STPG2: variants seen among roughly 807,000 people sequenced by gnomAD.
STPG2 encodes sperm-tail PG-rich repeat-containing protein 2.
Under a neutral mutation model 54.2 loss-of-function variants are expected in STPG2, and 56 were observed. The ratio of observed to expected loss-of-function variants is 1.03; its 90% CI spans 0.83 to 1.29. The LOEUF (loss-of-function observed/expected upper bound fraction) is 1.29, where lower values mean the gene tolerates loss of function less well. Among genes scored for constraint, STPG2 ranks in the 50% most tolerant of loss-of-function variants. The pLI is 0.00. For synonymous variants in STPG2, 200 were observed against 181.8 expected (o/e 1.10, Z -0.81); for missense variants, 596 against 544.9 (o/e 1.09, Z -0.93).
At chr4:97,585,123 A>AAAAAAAAAAT (rs1732964111) in intron 10 of STPG2, among the ~76,000 whole-genome samples, 1 of 119,520 alleles carries the variant, frequency 8.4e-6, no homozygotes, top group Non-Finnish European at 1.5e-5. Context: ...AAAAAAAAAA[A>AAAAAAAAAAT]ACAAAACTAC....
intron 5 of STPG2, among the ~76,000 whole-genome samples, chr4:98,001,997 C>CA (rs956851613): frequency 3.3e-5 from 5 of 151,866 alleles, no homozygotes; most frequent in African/African-American, 1.2e-4. Flanking sequence ...TAAGGGCTGA[C>CA]AAAAAAATAT....
intron 5 of STPG2, among the ~76,000 whole-genome samples, chr4:97,987,438 C>T (rs758056805): frequency 2.6e-5 from 4 of 152,030 alleles, no homozygotes; most frequent in Non-Finnish European, 5.9e-5. Flanking sequence ...AGTTTAACTA[C>T]ATATGTTAAT....
intron 10 of STPG2, among the ~76,000 whole-genome samples, chr4:97,581,032 T>C (rs182619370): frequency 5.3e-5 from 8 of 152,212 alleles, no homozygotes; most frequent in Admixed American, 5.2e-4. Flanking sequence ...TATTTGGATA[T>C]GATTGTAATG....
intron 7 of STPG2, among the ~76,000 whole-genome samples, chr4:97,945,717 TTG>T (rs1491427821): frequency 6.7e-6 from 1 of 149,582 alleles, no homozygotes; most frequent in Admixed American, 6.8e-5. Flanking sequence ...CCAACATCTA[TTG>T]TTTTTTTGGG....
intron 5 of STPG2, among the ~76,000 whole-genome samples, chr4:98,076,196 A>G (rs555045906): frequency 6.6e-6 from 1 of 152,070 alleles, no homozygotes; most frequent in South Asian, 2.1e-4. Flanking sequence ...ATGAGCCAAG[A>G]TCATGCCACT....
chr4:97,529,954 G>A (rs1731377880), intron 4 of STPG2, among the ~76,000 whole-genome samples: 1 of 151,754 alleles, frequency 6.6e-6, no homozygotes, highest in Non-Finnish European at 1.5e-5. Context: ...TTTTTTATTT[G>A]TTTACTTCTA....
chr4:98,003,452 T>C (rs1023794810), intron 5 of STPG2, among the ~76,000 whole-genome samples: 9 of 151,994 alleles, frequency 5.9e-5, no homozygotes, highest in Admixed American at 3.9e-4. Flanking sequence ...AAGTCCAAAT[T>C]CCAGACTCAA....
At chr4:97,723,329 G>A (rs1014809189) in intron 9 of STPG2, among the ~76,000 whole-genome samples, 2 of 151,944 alleles carry the variant, frequency 1.3e-5, no homozygotes, top group East Asian at 1.9e-4. Context: ...GACTCCAAAA[G>A]GGGGGAGGGA....
intron 8 of STPG2, among the ~76,000 whole-genome samples, chr4:97,886,189 G>A (rs1560571463): frequency 6.6e-6 from 1 of 152,078 alleles, no homozygotes; most frequent in Non-Finnish European, 1.5e-5. Context: ...TCCTAGAGTG[G>A]CAAAATCGAA....
intron 8 of STPG2, among the ~76,000 whole-genome samples, chr4:97,889,541 T>C (rs1189081556): frequency 6.6e-6 from 1 of 152,218 alleles, no homozygotes; most frequent in Non-Finnish European, 1.5e-5. Context: ...AAAGACATTA[T>C]GTTACACAAA....
chr4:98,127,206 A>T (rs377505141), intron 3 of STPG2, among the ~76,000 whole-genome samples: 2 of 152,076 alleles, frequency 1.3e-5, no homozygotes, highest in African/African-American at 2.4e-5. Flanking sequence ...ATATTTTTTT[A>T]AAATAAAGCT....
chr4:98,116,726 T>C (rs574118081), intron 3 of STPG2, among the ~76,000 whole-genome samples: 2 of 151,948 alleles, frequency 1.3e-5, no homozygotes, highest in East Asian at 1.9e-4. Flanking sequence ...AGGTATGTCA[T>C]AGAGAGAGAG....
intron 10 of STPG2, among the ~76,000 whole-genome samples, chr4:97,634,207 G>A (rs1021506424): frequency 1.3e-5 from 2 of 152,114 alleles, no homozygotes; most frequent in African/African-American, 4.8e-5. Context: ...CACCCTAACT[G>A]GGAGGCACCC....
In STPG2 at chr4:98,069,296, C is replaced by T. The variant is rs966149882; in HGVS notation, c.612+36657G>A. 4.0e-5 allele frequency among the ~76,000 whole-genome samples: 6 copies of T among 151,768 alleles called. 1 individual carries two copies. Among genetic ancestry groups the T allele is most frequent in the South Asian group, 4.2e-4 (2 of 4,818 alleles). On this transcript the variant is annotated intron_variant, in intron 5 of 10. Coordinates refer to ENST00000295268, the MANE Select transcript of STPG2 (RefSeq NM_174952.3). Reference sequence around the variant, plus strand: ...ATAATTGTTTTTAAGTTTTTTTAGACATCGAGTAGTAATTATCTTAGAAAT... The same window carrying T: ...ATAATTGTTTTTAAGTTTTTTTAGATATCGAGTAGTAATTATCTTAGAAAT...
chr4:97,498,152 T>C (rs971164897), intron 4 of STPG2, among the ~76,000 whole-genome samples: 5 of 152,098 alleles, frequency 3.3e-5, no homozygotes, highest in Non-Finnish European at 5.9e-5. Context: ...AAAAACATAG[T>C]CTAGTCCCCA....
chr4:97,490,129 A>T (rs1338851653), intron 4 of STPG2: 1 of 151,484 alleles, frequency 6.6e-6, no homozygotes, highest in African/African-American at 2.4e-5. Context: ...TAACCTAGTA[A>T]TTTTTTAAAA....
chr4:97,675,898 CAT>C (rs541003489), intron 10 of STPG2, among the ~76,000 whole-genome samples: 3 of 144,152 alleles, frequency 2.1e-5, no homozygotes, highest in African/African-American at 5.1e-5. Context: ...GGTATATATA[CAT>C]ATATATATAG....
At chr4:97,588,286 A>G (rs1733050402) in intron 10 of STPG2, among the ~76,000 whole-genome samples, 1 of 152,126 alleles carries the variant, frequency 6.6e-6, no homozygotes, top group African/African-American at 2.4e-5. Flanking sequence ...TCTGTACAGG[A>G]AAAAAATACC....
At chr4:97,458,250 A>C (rs1302091478) in intron 4 of STPG2, among the ~76,000 whole-genome samples, 1 of 152,212 alleles carries the variant, frequency 6.6e-6, no homozygotes, top group Non-Finnish European at 1.5e-5. Flanking sequence ...GAGTAGCCTA[A>C]TGTCCACTTA....
Sources: gnomAD v4.1 joint callset for allele counts (sites outside exome capture counted in the v4.1 genomes callset) on GRCh38, gnomAD v4.1.1 for gene constraint, MANE v1.5 for transcripts, NCBI Gene and HGNC (gene_info 2026-07-23, HGNC 2026-07-21) for gene names.